Variants in ZNF618 observed in about 807,000 individuals in gnomAD.
ZNF618 encodes zinc finger protein 618, also known as neural precursor cell expressed, developmentally down-regulated 10.
Under a neutral mutation model 103.0 loss-of-function variants are expected in ZNF618, and 34 were observed. The observed-to-expected ratio is 0.33, with a 90% CI of 0.25 to 0.44. The LOEUF (loss-of-function observed/expected upper bound fraction) is 0.44. Ranked by LOEUF, ZNF618 falls within the 20% of genes least tolerant of loss-of-function variation. ZNF618 has a pLI of 1.00. For missense variants in ZNF618, 1,059 were observed against 1,295.4 expected (o/e 0.82, Z 2.80); for synonymous variants, 551 against 542.2 (o/e 1.02, Z -0.23).
intron 12 of ZNF618, chr9:114,035,179 T>A (rs1429825266): frequency 1.0e-6 from 1 of 985,874 alleles, no homozygotes; most frequent in African/African-American, 1.7e-5. Context: ...CTAAACTGTT[T>A]CTCTTTTGCA....
chr9:113,951,418 T>TACAC (rs774869964), intron 1 of ZNF618, among the ~76,000 whole-genome samples: 2 of 45,164 alleles, frequency 4.4e-5, no homozygotes, highest in African/African-American at 8.7e-5. Flanking sequence ...TATACACACA[T>TACAC]ATATGTGTGT....
intron 13 of ZNF618, among the ~76,000 whole-genome samples, chr9:114,044,834 G>A (rs1047598941): frequency 1.3e-5 from 2 of 151,326 alleles, no homozygotes; most frequent in African/African-American, 4.9e-5. Flanking sequence ...GCAGTTTTTT[G>A]GCAACTTTTG....
At chr9:114,033,593 G>A (rs1203742881) in intron 12 of ZNF618, among the ~76,000 whole-genome samples, 2 of 152,142 alleles carry the variant, frequency 1.3e-5, no homozygotes, top group African/African-American at 4.8e-5. Context: ...GCCCTAGAAT[G>A]TCCAGAGCAG....
chr9:113,989,655 C>T (rs889255952), intron 3 of ZNF618, among the ~76,000 whole-genome samples: 5 of 152,254 alleles, frequency 3.3e-5, no homozygotes, highest in South Asian at 2.1e-4. Context: ...GGCTCACCTC[C>T]TACTGACTTC....
In ZNF618 at chr9:114,001,991, T is replaced by C. The variant is rs1443819737; in HGVS notation, c.434-5T>C. 3 of 1,613,658 alleles carry C rather than the reference T, an allele frequency of 1.9e-6. No homozygotes were observed. The highest frequency in any genetic ancestry group is 2.5e-6 in the Non-Finnish European group (3 of 1,179,706). On this transcript the variant is annotated splice_polypyrimidine_tract_variant and splice_region_variant and intron_variant, in intron 4 of 14. Transcript: ENST00000374126. ...TGACCAGTCCTTTCCTCTTCTGTTTTCCAGGGTCTTACGAATGCGGAATCT... is the reference window on the plus strand; with the variant it reads ...TGACCAGTCCTTTCCTCTTCTGTTTCCCAGGGTCTTACGAATGCGGAATCT...
At chr9:113,914,514 C>T (rs1468759560) in intron 1 of ZNF618, among the ~76,000 whole-genome samples, 1 of 152,132 alleles carries the variant, frequency 6.6e-6, no homozygotes, top group Non-Finnish European at 1.5e-5. Context: ...TTCGGAGTTG[C>T]CGGTTTATGA....
rs34505369 is a variant in ZNF618 at position 113,900,790 on chromosome 9, C to G, written c.33+24377C>G. On this transcript the variant is annotated intron_variant, in intron 1 of 14. Transcript: ENST00000374126. ...TCCTGTCTCCTAGCACCGTCCTCTC[C>G]CGCAAACCCGACCTCCTGTCTCCTA... Among the ~76,000 whole-genome samples the G allele has an allele frequency of 6.3e-3, 637 of 100,880 alleles. 2 individuals are homozygous for G. In the East Asian group the frequency reaches 0.098, roughly 15 times the overall value. The allele number at this position is 100,880 out of a possible 152,430, so 66.2% of individuals were successfully genotyped here.
chr9:114,017,477 T>C (rs1460638291), intron 10 of ZNF618, among the ~76,000 whole-genome samples: 5 of 152,176 alleles, frequency 3.3e-5, no homozygotes, highest in African/African-American at 1.2e-4. Context: ...CAGCTCCTTT[T>C]CTGGATATTT....
At chr9:113,900,425 C>A (rs533513348) in intron 1 of ZNF618, among the ~76,000 whole-genome samples, 123 of 152,292 alleles carry the variant, frequency 8.1e-4, no homozygotes, top group African/African-American at 2.9e-3. Flanking sequence ...TTAACCTCAT[C>A]ACTACTTTGG....
chr9:113,913,501 C>T (rs1831763721), intron 1 of ZNF618, among the ~76,000 whole-genome samples: 1 of 152,256 alleles, frequency 6.6e-6, no homozygotes, highest in South Asian at 2.1e-4. Context: ...GGCGACAGCC[C>T]TACCCTTGGA....
chr9:113,963,182 G>T (rs972522321), intron 1 of ZNF618, among the ~76,000 whole-genome samples: 1 of 152,340 alleles, frequency 6.6e-6, no homozygotes, highest in African/African-American at 2.4e-5. Flanking sequence ...TCCTGGGTTG[G>T]TGGGTGCTTC....
intron 10 of ZNF618, among the ~76,000 whole-genome samples, chr9:114,023,311 A>C (rs1197187286): frequency 6.6e-6 from 1 of 151,990 alleles, no homozygotes; most frequent in Non-Finnish European, 1.5e-5. Context: ...TATGATTTAT[A>C]ATATACATGT....
intron 11 of ZNF618, among the ~76,000 whole-genome samples, chr9:114,029,694 T>A (rs979613016): frequency 6.6e-6 from 1 of 152,170 alleles, no homozygotes; most frequent in African/African-American, 2.4e-5. Context: ...AGCCGGATGG[T>A]TGACCTAGAT....
chr9:113,899,028 C>G (rs1290081458), intron 1 of ZNF618, among the ~76,000 whole-genome samples: 1 of 152,150 alleles, frequency 6.6e-6, no homozygotes, highest in African/African-American at 2.4e-5. Context: ...GAGATGGTCC[C>G]TCATGATGTC....
At chr9:113,974,874 G>T (rs772318417) in intron 2 of ZNF618, among the ~76,000 whole-genome samples, 5 of 152,188 alleles carry the variant, frequency 3.3e-5, no homozygotes, top group African/African-American at 9.6e-5. Flanking sequence ...TTGCCTGATT[G>T]TGTGACCCTG....
intron 9 of ZNF618, among the ~76,000 whole-genome samples, chr9:114,012,653 C>T (rs1344125965): frequency 1.3e-5 from 2 of 152,084 alleles, no homozygotes; most frequent in African/African-American, 2.4e-5. Context: ...AAGCAGAAAA[C>T]GTAAGAACAG....
intron 1 of ZNF618, among the ~76,000 whole-genome samples, chr9:113,913,591 C>T (rs1831772146): frequency 6.6e-6 from 1 of 152,256 alleles, no homozygotes; most frequent in Admixed American, 6.5e-5. Flanking sequence ...CCAGCTGTTG[C>T]TTCATACTTT....
chr9:113,997,044 T>TTCTCTCTC (rs964647659), intron 3 of ZNF618, among the ~76,000 whole-genome samples: 1 of 140,598 alleles, frequency 7.1e-6, no homozygotes, highest in Non-Finnish European at 1.6e-5. Context: ...CTGGTAAAGG[T>TTCTCTCTC]TCTCTCTCTC....
chr9:114,017,537 C>G (rs754157504), intron 10 of ZNF618, among the ~76,000 whole-genome samples: 36 of 152,320 alleles, frequency 2.4e-4, no homozygotes, highest in Non-Finnish European at 4.7e-4. Flanking sequence ...GGGGGCCCAT[C>G]AGCCTCCCTC....
Sources: gnomAD v4.1 joint callset for allele counts (sites outside exome capture counted in the v4.1 genomes callset) on GRCh38, gnomAD v4.1.1 for gene constraint, MANE v1.5 for transcripts, NCBI Gene and HGNC (gene_info 2026-07-23, HGNC 2026-07-21) for gene names.